Variants in FAM171A1 observed in about 807,000 individuals in gnomAD.
FAM171A1 encodes family with sequence similarity 171 member A1, also known as protein FAM171A1.
Under a neutral mutation model 74.9 loss-of-function variants are expected in FAM171A1, and 23 were observed. The ratio of observed to expected loss-of-function variants is 0.31; its 90% CI spans 0.22 to 0.44. The LOEUF is 0.44. Ranked by LOEUF, FAM171A1 falls within the 20% of genes least tolerant of loss-of-function variation. The pLI is 1.00. For synonymous variants in FAM171A1, 527 were observed against 505.7 expected, an observed-to-expected ratio of 1.04 and a Z score of -0.57; for missense variants, 1,162 against 1,159.2, an observed-to-expected ratio of 1.00 and a Z score of -0.03.
At chr10:15,367,930 A>G (rs1836086342) in intron 1 of FAM171A1, among the ~76,000 whole-genome samples, 1 of 152,208 alleles carries the variant, frequency 6.6e-6, no homozygotes, top group Admixed American at 6.5e-5. Flanking sequence ...ACATCCCTAA[A>G]GAGTACATCT....
At chr10:15,290,294 C>T (rs931021905) in intron 1 of FAM171A1, among the ~76,000 whole-genome samples, 15 of 152,032 alleles carry the variant, frequency 9.9e-5, no homozygotes, top group African/African-American at 2.4e-4. Flanking sequence ...CCCCACCTGA[C>T]CCCATCCCCT....
At chr10:15,324,234 C>T (rs1263889583) in intron 1 of FAM171A1, among the ~76,000 whole-genome samples, 3 of 152,024 alleles carry the variant, frequency 2.0e-5, no homozygotes. Flanking sequence ...AACTGAGACC[C>T]AACTTCCTTC....
rs151318747 is a variant in FAM171A1 at position 15,285,767 on chromosome 10, G to A, written c.98-1662C>T. Among the ~76,000 whole-genome samples the A allele has an allele frequency of 3.9e-3, 598 of 152,338 alleles. 1 individual carries two copies. Among genetic ancestry groups the A allele is most frequent in the African/African-American group, 0.014 (569 of 41,584 alleles). ...AGGACTAGCAAAAAGCGAGGAGGTGGCCAAGGAGGCTTGTGTTCATAGCAC... is the reference window on the plus strand; with the variant it reads ...AGGACTAGCAAAAAGCGAGGAGGTGACCAAGGAGGCTTGTGTTCATAGCAC... On this transcript the variant is annotated intron_variant, in intron 1 of 7. Coordinates refer to ENST00000378116, the MANE Select transcript of FAM171A1 (RefSeq NM_001010924.2).
intron 4 of FAM171A1, among the ~76,000 whole-genome samples, chr10:15,250,753 C>G (rs1158363411): frequency 6.6e-6 from 1 of 152,144 alleles, no homozygotes; most frequent in Non-Finnish European, 1.5e-5. Flanking sequence ...GAGTGACACC[C>G]TGTCTCAAAA....
intron 5 of FAM171A1, among the ~76,000 whole-genome samples, chr10:15,238,656 C>G (rs537581225): frequency 6.6e-4 from 100 of 152,088 alleles, no homozygotes; most frequent in Admixed American, 4.0e-3. Flanking sequence ...TTGTCATAGC[C>G]GTAACATTCA....
intron 1 of FAM171A1, among the ~76,000 whole-genome samples, chr10:15,301,818 C>T (rs1423915257): frequency 1.3e-5 from 2 of 152,140 alleles, no homozygotes; most frequent in African/African-American, 4.8e-5. Flanking sequence ...TCAAACCATG[C>T]CAGGCTGGCT....
intron 5 of FAM171A1, among the ~76,000 whole-genome samples, chr10:15,233,203 G>A (rs1193684251): frequency 2.6e-5 from 4 of 152,072 alleles, no homozygotes; most frequent in African/African-American, 9.7e-5. Flanking sequence ...GCTGAGGCAG[G>A]AAAATGGTGT....
At chr10:15,281,162 C>T (rs1033267917) in intron 2 of FAM171A1, among the ~76,000 whole-genome samples, 8 of 152,200 alleles carry the variant, frequency 5.3e-5, no homozygotes, top group Non-Finnish European at 1.2e-4. Flanking sequence ...TGAAATGTCT[C>T]ACTTCCCTTT....
At chr10:15,253,964 G>A (rs1415972897) in intron 4 of FAM171A1, among the ~76,000 whole-genome samples, 1 of 152,184 alleles carries the variant, frequency 6.6e-6, no homozygotes, top group Non-Finnish European at 1.5e-5. Flanking sequence ...ATTTTCTGGT[G>A]GATGGCTTTT....
intron 3 of FAM171A1, among the ~76,000 whole-genome samples, chr10:15,255,121 A>G (rs574925946): frequency 7.2e-5 from 11 of 152,338 alleles, no homozygotes; most frequent in African/African-American, 2.4e-4. Flanking sequence ...GGTTTTTAAC[A>G]AAAAGCTTTT....
At chr10:15,246,975 A>G (rs1294843769) in intron 5 of FAM171A1, among the ~76,000 whole-genome samples, 1 of 152,270 alleles carries the variant, frequency 6.6e-6, no homozygotes, top group Non-Finnish European at 1.5e-5. Context: ...AAATCTGGAA[A>G]TATGTTTTAA....
At chr10:15,241,479 A>G (rs1834363863) in intron 5 of FAM171A1, 1 of 152,218 alleles carries the variant, frequency 6.6e-6, no homozygotes, top group Non-Finnish European at 1.5e-5. Flanking sequence ...AAAAGCACTC[A>G]CAGACAATAT....
chr10:15,256,452 G>A (rs1357496532), intron 3 of FAM171A1, among the ~76,000 whole-genome samples: 1 of 152,126 alleles, frequency 6.6e-6, no homozygotes, highest in African/African-American at 2.4e-5. Context: ...TTCTCCAGGG[G>A]CTGGTTCTCC....
intron 1 of FAM171A1, among the ~76,000 whole-genome samples, chr10:15,355,741 A>G (rs991382305): frequency 6.6e-5 from 10 of 152,016 alleles, no homozygotes; most frequent in Non-Finnish European, 1.2e-4. Flanking sequence ...AATAAAATAA[A>G]TAAATAAGTA....
chr10:15,366,614 C>G (rs1205996356), intron 1 of FAM171A1, among the ~76,000 whole-genome samples: 1 of 152,164 alleles, frequency 6.6e-6, no homozygotes, highest in Non-Finnish European at 1.5e-5. Context: ...ATAATTTCCA[C>G]TAAACATGTT....
At chr10:15,346,402 G>C (rs1277784854) in intron 1 of FAM171A1, among the ~76,000 whole-genome samples, 1 of 152,154 alleles carries the variant, frequency 6.6e-6, no homozygotes, top group Non-Finnish European at 1.5e-5. Context: ...CAGCCCACAG[G>C]CATGTTCTTA....
At chr10:15,223,347 C>T (rs779360175) in intron 5 of FAM171A1, among the ~76,000 whole-genome samples, 2 of 152,206 alleles carry the variant, frequency 1.3e-5, no homozygotes, top group East Asian at 1.9e-4. Flanking sequence ...TACAGTGATG[C>T]TCTCAGCCTC....
At chr10:15,273,728 A>G (rs1834857438) in intron 3 of FAM171A1, among the ~76,000 whole-genome samples, 1 of 152,224 alleles carries the variant, frequency 6.6e-6, no homozygotes, top group Non-Finnish European at 1.5e-5. Flanking sequence ...GACTGGTTCA[A>G]CATACGCAAA....
chr10:15,279,090 C>T (rs1834932994), intron 2 of FAM171A1, among the ~76,000 whole-genome samples: 1 of 152,140 alleles, frequency 6.6e-6, no homozygotes, highest in Non-Finnish European at 1.5e-5. Flanking sequence ...AAGGCCCTGA[C>T]CACCTCTGAG....
Sources: allele counts gnomAD v4.1 joint callset (sites outside exome capture counted in the v4.1 genomes callset), GRCh38; gene constraint gnomAD v4.1.1; transcripts MANE v1.5; gene names NCBI Gene and HGNC (gene_info 2026-07-23, HGNC 2026-07-21).